FRMD4A: variants seen among roughly 807,000 people sequenced by gnomAD.
FRMD4A encodes FERM domain-containing protein 4A.
A neutral mutation model predicts 129.1 loss-of-function variants in FRMD4A; 29 were observed. The observed-to-expected ratio is 0.22, with a 90% CI of 0.17 to 0.31. The LOEUF is 0.31. FRMD4A is among the 10% of genes least tolerant of loss of function. The probability of loss-of-function intolerance (pLI) is 1.00; values close to 1 mark genes in which losing one functional copy is unlikely to be tolerated. For missense variants in FRMD4A, 1,272 were observed against 1,375.8 expected (o/e 0.92, Z 1.19); for synonymous variants, 634 against 571.6 (o/e 1.11, Z -1.56).
At chr10:14,133,431 G>T (rs950188735) in intron 2 of FRMD4A, among the ~76,000 whole-genome samples, 1 of 152,168 alleles carries the variant, frequency 6.6e-6, no homozygotes, top group South Asian at 2.1e-4. Context: ...GAAGGCATTT[G>T]TGGGTCCCTT....
intron 3 of FRMD4A, among the ~76,000 whole-genome samples, chr10:13,838,544 G>A (rs892124414): frequency 6.6e-6 from 1 of 151,820 alleles, no homozygotes; most frequent in Non-Finnish European, 1.5e-5. Context: ...CCAGGCTGGA[G>A]TGTAGTGGCA....
chr10:14,244,960 C>T (rs547565873), intron 2 of FRMD4A, among the ~76,000 whole-genome samples: 1 of 152,344 alleles, frequency 6.6e-6, no homozygotes, highest in Non-Finnish European at 1.5e-5. Context: ...CTTTACTAGC[C>T]TCTAATTAGG....
At position 13,967,369 on chromosome 10, in the gene FRMD4A, T is replaced by C. The variant is rs962438047; in HGVS notation, c.46-108457A>G. Reference sequence around the variant, plus strand: ...AAAAAAAAGAATGACACAATGGACTTTGGGGACTCGGGGAAAGGGTGGGAA... The same window carrying C: ...AAAAAAAAGAATGACACAATGGACTCTGGGGACTCGGGGAAAGGGTGGGAA... On this transcript the variant is annotated intron_variant, in intron 2 of 24. Transcript: ENST00000357447. 3.3e-5 allele frequency among the ~76,000 whole-genome samples: 5 copies of C among 151,856 alleles called. No homozygotes were observed. The East Asian group carries it at 5.8e-4, about 18-fold the overall frequency.
intron 2 of FRMD4A, among the ~76,000 whole-genome samples, chr10:13,916,770 T>C (rs982839770): frequency 6.6e-6 from 1 of 152,218 alleles, no homozygotes; most frequent in African/African-American, 2.4e-5. Flanking sequence ...AACCATACCA[T>C]ATTTTCAGTA....
At chr10:14,299,002 C>A (rs1212733986) in intron 2 of FRMD4A, among the ~76,000 whole-genome samples, 2 of 152,138 alleles carry the variant, frequency 1.3e-5, no homozygotes, top group Non-Finnish European at 2.9e-5. Flanking sequence ...CAAAGGATGA[C>A]CAAAGTTTCC....
At chr10:14,171,512 C>T (rs1283298429) in intron 2 of FRMD4A, among the ~76,000 whole-genome samples, 1 of 152,202 alleles carries the variant, frequency 6.6e-6, no homozygotes, top group African/African-American at 2.4e-5. Context: ...TGGCCGCCCA[C>T]CCAGGAGACA....
chr10:13,655,759 CATTTT>C (rs1290338583), intron 22 of FRMD4A: 1 of 152,058 alleles, frequency 6.6e-6, no homozygotes, highest in African/African-American at 2.4e-5. Flanking sequence ...TTCTGACTCT[CATTTT>C]ATTCTTACCT....
chr10:14,242,279 A>T (rs886931932), intron 2 of FRMD4A, among the ~76,000 whole-genome samples: 8 of 152,220 alleles, frequency 5.3e-5, no homozygotes, highest in Middle Eastern at 3.2e-3. Context: ...TTTATTCCCC[A>T]AGTGTTCTTT....
chr10:14,011,735 A>G (rs1459926883), intron 2 of FRMD4A, among the ~76,000 whole-genome samples: 2 of 152,144 alleles, frequency 1.3e-5, no homozygotes, highest in Non-Finnish European at 2.9e-5. Flanking sequence ...AAGGCGGGAC[A>G]CGGTGGCTCA....
chr10:13,935,939 C>T (rs1211801889), intron 2 of FRMD4A, among the ~76,000 whole-genome samples: 1 of 152,224 alleles, frequency 6.6e-6, no homozygotes, highest in Non-Finnish European at 1.5e-5. Flanking sequence ...CAGGATGTGT[C>T]TCTCTCCTTT....
In FRMD4A at chr10:13,821,912, G is replaced by T. The variant is rs527717921; in HGVS notation, c.112-11004C>A. On this transcript the variant is annotated intron_variant, in intron 3 of 24. Transcript: ENST00000357447. This position sits in a 1 kb window ranked among gnomAD's most constrained non-coding sequence, Gnocchi z 4.3. ...TAGGTGAGGTGGCCCCGAAGTGCCC[G>T]CCACACCTCCATCCTTTGCCCCCGC... 2.0e-5 allele frequency among the ~76,000 whole-genome samples: 3 copies of T among 152,138 alleles called. No homozygotes were observed. Among genetic ancestry groups the T allele is most frequent in the Non-Finnish European group, 4.4e-5 (3 of 68,028 alleles).
At position 13,782,903 on chromosome 10, in the gene FRMD4A, A is replaced by T. The variant is rs767753330; in HGVS notation, c.384+19T>A. ...ACTTTCAGGTTTCAGAGGGAAATTGAGGGAGAGGGAGTTCCTACCTTGTAG... is the reference window on the plus strand; with the variant it reads ...ACTTTCAGGTTTCAGAGGGAAATTGTGGGAGAGGGAGTTCCTACCTTGTAG... On this transcript the variant is annotated intron_variant, in intron 6 of 24. Transcript: ENST00000357447. 4 of 1,097,334 alleles carry T rather than the reference A, an allele frequency of 3.6e-6. No homozygotes were observed. The South Asian group carries it at 5.0e-5, about 14-fold the overall frequency. The allele number at this position is 1,097,334 out of a possible 1,614,324, so 68.0% of individuals were successfully genotyped here. A position where few individuals can be genotyped will look rare whatever the true frequency, so the allele number is the denominator to read the frequency against.
At chr10:13,717,663 C>A (rs1564680649) in intron 12 of FRMD4A, among the ~76,000 whole-genome samples, 1 of 132,780 alleles carries the variant, frequency 7.5e-6, no homozygotes, top group African/African-American at 2.9e-5. Flanking sequence ...CTTTGGAGGA[C>A]AGGCTTTAGG....
At chr10:13,785,323 G>A (rs927235494) in intron 5 of FRMD4A, among the ~76,000 whole-genome samples, 6 of 152,094 alleles carry the variant, frequency 3.9e-5, no homozygotes, top group Admixed American at 6.6e-5. Flanking sequence ...GAGGAATTAC[G>A]CAGTGGTCCT....
At chr10:14,258,322 TA>T (rs34613361) in intron 2 of FRMD4A, among the ~76,000 whole-genome samples, 102 of 142,444 alleles carry the variant, frequency 7.2e-4, no homozygotes, top group Admixed American at 1.4e-3. Context: ...GGGTTTTAAC[TA>T]AAAAAAAAAA....
chr10:14,011,364 G>A (rs2095681726), intron 2 of FRMD4A, among the ~76,000 whole-genome samples: 1 of 152,174 alleles, frequency 6.6e-6, no homozygotes, highest in African/African-American at 2.4e-5. Context: ...AGGGAGGCTG[G>A]CCTAAGGGGT....
chr10:14,065,570 A>C (rs1835018030), intron 2 of FRMD4A, among the ~76,000 whole-genome samples: 1 of 152,162 alleles, frequency 6.6e-6, no homozygotes, highest in Non-Finnish European at 1.5e-5. Context: ...TTCCCCACTG[A>C]AATATCTAAG....
Position 14,048,078 on chromosome 10 carries a change from C to T in FRMD4A, c.46-189166G>A, listed in dbSNP as rs375616986. On this transcript the variant is annotated intron_variant, in intron 2 of 24. Transcript: ENST00000357447. ...TAAGAACCCAAGACAAGGTGGGAGGCGGTAGAGATCTTGTGGAGGAGAAGA... is the reference window on the plus strand; with the variant it reads ...TAAGAACCCAAGACAAGGTGGGAGGTGGTAGAGATCTTGTGGAGGAGAAGA... Among the ~76,000 whole-genome samples the T allele has an allele frequency of 1.1e-3, 168 of 152,156 alleles. 1 individual carries two copies. Among genetic ancestry groups the T allele is most frequent in the African/African-American group, 3.8e-3 (156 of 41,506 alleles).
At chr10:14,056,597 G>T (rs1434148991) in intron 2 of FRMD4A, among the ~76,000 whole-genome samples, 1 of 152,084 alleles carries the variant, frequency 6.6e-6, no homozygotes, top group African/African-American at 2.4e-5. Flanking sequence ...TTTGGCCCCA[G>T]TATTTCTCCA....
Sources: allele counts gnomAD v4.1 joint callset (sites outside exome capture counted in the v4.1 genomes callset), GRCh38; gene constraint gnomAD v4.1.1; non-coding constraint Gnocchi (gnomAD v3.1); transcripts MANE v1.5; gene names NCBI Gene and HGNC (gene_info 2026-07-23, HGNC 2026-07-21).